NRXN3: variants seen among roughly 807,000 people sequenced by gnomAD.
NRXN3 encodes the protein neurexin III.
A neutral mutation model predicts 137.6 loss-of-function variants in NRXN3; 32 were observed. That is an observed-to-expected ratio of 0.23 (90% CI 0.18 to 0.31). The LOEUF (loss-of-function observed/expected upper bound fraction) is 0.31. Among genes scored for constraint, NRXN3 ranks in the 10% least tolerant of loss-of-function variants. The pLI is 1.00. For synonymous variants in NRXN3, 798 were observed against 784.5 expected, an observed-to-expected ratio of 1.02 and a Z score of -0.29; for missense variants, 1,574 against 2,062.5, an observed-to-expected ratio of 0.76 and a Z score of 4.59.
intron 20 of NRXN3, among the ~76,000 whole-genome samples, chr14:79,825,471 G>C (rs2099294035): frequency 6.6e-6 from 1 of 152,122 alleles, no homozygotes; most frequent in Non-Finnish European, 1.5e-5. Flanking sequence ...TTGGAGAAAA[G>C]CCCTGTTTTA....
At chr14:79,772,974 A>T (rs2099083920) in intron 19 of NRXN3, among the ~76,000 whole-genome samples, 1 of 152,234 alleles carries the variant, frequency 6.6e-6, no homozygotes, top group Non-Finnish European at 1.5e-5. Flanking sequence ...AAAGGATATG[A>T]ACAGACACTT....
intron 19 of NRXN3, among the ~76,000 whole-genome samples, chr14:79,731,322 G>C (rs1352367407): frequency 1.3e-5 from 2 of 152,100 alleles, no homozygotes; most frequent in African/African-American, 2.4e-5. Context: ...CCTTTATTTT[G>C]AGCTGTGATT....
chr14:79,416,624 T>C (rs149991026), intron 15 of NRXN3, among the ~76,000 whole-genome samples: 1 of 152,286 alleles, frequency 6.6e-6, no homozygotes, highest in East Asian at 1.9e-4. Flanking sequence ...TTGTGATTTC[T>C]CAGTTCTGTT....
intron 19 of NRXN3, among the ~76,000 whole-genome samples, chr14:79,799,444 T>G (rs2099170301): frequency 6.6e-6 from 1 of 152,140 alleles, no homozygotes; most frequent in Admixed American, 6.5e-5. Context: ...CAGATGACAC[T>G]GGTGAGATGC....
intron 4 of NRXN3, among the ~76,000 whole-genome samples, chr14:78,417,058 A>G (rs2093178510): frequency 6.6e-6 from 1 of 152,154 alleles, no homozygotes; most frequent in Admixed American, 6.5e-5. Context: ...TCTCAAGACT[A>G]TTTTGTCCTG....
chr14:78,985,684 A>G (rs2099501564), intron 14 of NRXN3, among the ~76,000 whole-genome samples: 1 of 152,202 alleles, frequency 6.6e-6, no homozygotes. Context: ...ACTTTCCATA[A>G]ACCTTCCATG....
intron 17 of NRXN3, among the ~76,000 whole-genome samples, chr14:79,681,963 T>G (rs2098672756): frequency 6.6e-6 from 1 of 150,418 alleles, no homozygotes; most frequent in Non-Finnish European, 1.5e-5. Context: ...AAGCCTTACA[T>G]TTTTTTCCTT....
chr14:79,170,688 T>G, intron 15 of NRXN3, among the ~76,000 whole-genome samples: 1 of 152,136 alleles, frequency 6.6e-6, no homozygotes. Context: ...TGCTCTAGAC[T>G]TCTCCTGTCT....
chr14:79,126,136 C>CT (rs999473469), intron 15 of NRXN3, among the ~76,000 whole-genome samples: 11 of 151,106 alleles, frequency 7.3e-5, no homozygotes, highest in South Asian at 2.1e-4. Context: ...TTAACTTAAA[C>CT]TTTTTTTTTC....
At chr14:79,281,505 A>G (rs1486164513) in intron 15 of NRXN3, among the ~76,000 whole-genome samples, 2 of 152,108 alleles carry the variant, frequency 1.3e-5, no homozygotes, top group African/African-American at 2.4e-5. Context: ...TTTGTTTACT[A>G]TGCACTCCAC....
intron 15 of NRXN3, among the ~76,000 whole-genome samples, chr14:79,197,058 AT>A (rs1297070797): frequency 6.6e-6 from 1 of 151,956 alleles, no homozygotes; most frequent in Non-Finnish European, 1.5e-5. Flanking sequence ...CTCTTATCCT[AT>A]TTCTGGGTCC....
At chr14:79,816,541 T>C (rs1035248992) in intron 20 of NRXN3, among the ~76,000 whole-genome samples, 1 of 152,214 alleles carries the variant, frequency 6.6e-6, no homozygotes, top group African/African-American at 2.4e-5. Flanking sequence ...TTTTGTTTCC[T>C]CCAAATATTC....
chr14:79,141,894 T>C (rs1354051369), intron 15 of NRXN3, among the ~76,000 whole-genome samples: 1 of 152,214 alleles, frequency 6.6e-6, no homozygotes, highest in Admixed American at 6.5e-5. Context: ...TTAAGTGCAA[T>C]TTTATGAAAA....
chr14:79,640,260 G>A (rs189597557), intron 16 of NRXN3, among the ~76,000 whole-genome samples: 1 of 135,468 alleles, frequency 7.4e-6, no homozygotes, highest in African/African-American at 2.4e-5. Context: ...CAGATTGTTA[G>A]GATTGCTTGT....
chr14:78,971,081 A>T (rs2099437540), intron 14 of NRXN3, among the ~76,000 whole-genome samples: 11 of 152,178 alleles, frequency 7.2e-5, no homozygotes, highest in Admixed American at 7.2e-4. Flanking sequence ...CTGTCATTGG[A>T]AGTTTGTACC....
At chr14:78,719,036 C>A (rs2098447223) in intron 8 of NRXN3, among the ~76,000 whole-genome samples, 1 of 152,186 alleles carries the variant, frequency 6.6e-6, no homozygotes, top group African/African-American at 2.4e-5. Context: ...GCTGGTATAG[C>A]CAAACTGTCT....
chr14:78,709,763 CT>C, intron 7 of NRXN3, 108 bp downstream of exon 7: 1 of 963,072 alleles, frequency 1.0e-6, no homozygotes, highest in South Asian at 1.6e-5. Flanking sequence ...CTTGTTGATT[CT>C]TTTGCTACTC....
In NRXN3 at chr14:78,679,506, ATT is replaced by A. The variant is rs1325099043; in HGVS notation, c.1221+28181_1221+28182del. 2.6e-5 allele frequency among the ~76,000 whole-genome samples: 4 copies of A among 152,198 alleles called. No homozygotes were observed. In the East Asian group the frequency reaches 7.7e-4, roughly 29 times the overall value. ...GCAACAGAAAATGGCTCTTCTCTTA[ATT>A]AATTAATTTCAATTTGATGAATTAA... On this transcript the variant is annotated intron_variant, in intron 6 of 20. Transcript: ENST00000335750.
intron 15 of NRXN3, among the ~76,000 whole-genome samples, chr14:79,204,044 T>C (rs1393519759): frequency 6.6e-6 from 1 of 152,086 alleles, no homozygotes; most frequent in East Asian, 1.9e-4. Context: ...AAATGGCTCT[T>C]GGGAGACAGT....
Sources: allele counts gnomAD v4.1 joint callset (sites outside exome capture counted in the v4.1 genomes callset), GRCh38; gene constraint gnomAD v4.1.1; transcripts MANE v1.5; gene names NCBI Gene and HGNC (gene_info 2026-07-23, HGNC 2026-07-21).